Variants in COG2 observed in about 807,000 individuals in gnomAD.
COG2 encodes the protein component of oligomeric golgi complex 2.
A neutral mutation model predicts 90.6 loss-of-function variants in COG2; 52 were observed. The ratio of observed to expected loss-of-function variants is 0.57; its 90% confidence interval spans 0.46 to 0.72. The LOEUF is 0.72. COG2 is among the 30% of genes least tolerant of loss of function. COG2 has a pLI of 0.00. For missense variants in COG2, 829 were observed against 891.2 expected, an observed-to-expected ratio of 0.93 and a Z score of 0.89; for synonymous variants, 337 against 320.4, an observed-to-expected ratio of 1.05 and a Z score of -0.55.
In COG2 at chr1:230,682,526, T is replaced by G. The variant is rs1387568895; in HGVS notation, c.1167-1048T>G. 2.0e-4 allele frequency: 31 copies of G among 152,242 alleles called. 1 individual carries two copies. The highest frequency in any genetic ancestry group is 2.0e-3 in the Admixed American group (31 of 15,286). 9.4% of individuals were successfully genotyped at this position (152,242 alleles called of 1,614,324 possible). ...TCCATGGGGCAGACGGGACAGCTACTGGAAACCAGCCAGCTACAATGGTAC... is the reference window on the plus strand; with the variant it reads ...TCCATGGGGCAGACGGGACAGCTACGGGAAACCAGCCAGCTACAATGGTAC... On this transcript the variant is annotated intron_variant, in intron 10 of 17. Coordinates refer to ENST00000366669, the MANE Select transcript of COG2 (RefSeq NM_007357.3).
chr1:230,655,047 G>C (rs545584299), intron 1 of COG2, among the ~76,000 whole-genome samples: 30 of 152,212 alleles, frequency 2.0e-4, no homozygotes, highest in Non-Finnish European at 3.8e-4. Flanking sequence ...TGCAAACAGA[G>C]ACAATTTGAC....
At position 230,686,454 on chromosome 1, in the gene COG2, G is replaced by C. The variant is rs552991489; in HGVS notation, c.1381-481G>C. Among the ~76,000 whole-genome samples the C allele has an allele frequency of 2.6e-5, 4 of 152,204 alleles. No homozygotes were observed. In the South Asian group the frequency reaches 6.2e-4, roughly 24 times the overall value. On this transcript the variant is annotated intron_variant, in intron 12 of 17. Coordinates refer to ENST00000366669, the MANE Select transcript of COG2 (RefSeq NM_007357.3). ...TCCCATTCTATCCCATTCTTTTCTT[G>C]ATGCTAGCTTACTTCTCTTTGATTT...
chr1:230,687,447 C>A (rs991487464), intron 13 of COG2, among the ~76,000 whole-genome samples: 1 of 151,780 alleles, frequency 6.6e-6, no homozygotes, highest in South Asian at 2.1e-4. Context: ...TGCTCCCCCA[C>A]TTTTTTTTTC....
intron 9 of COG2, among the ~76,000 whole-genome samples, chr1:230,677,480 G>A (rs995097984): frequency 6.6e-6 from 1 of 152,158 alleles, no homozygotes; most frequent in African/African-American, 2.4e-5. Context: ...ATGTTACAGT[G>A]CATTGAATAA....
rs140352979 is a variant in COG2, at chr1:230,677,010, A to G, written c.1026+1886A>G. Among the ~76,000 whole-genome samples the G allele has an allele frequency of 6.2e-4, 95 of 152,074 alleles. 1 individual carries two copies. The highest frequency in any genetic ancestry group is 2.2e-3 in the African/African-American group (90 of 41,490). On this transcript the variant is annotated intron_variant, in intron 9 of 17. Transcript: ENST00000366669. ...TTTTTATTATTATCCTTAGGATTTG[A>G]TAGGTTTTCTGAATCTGAGAATTGG...
intron 10 of COG2, 142 bp from the exon 11 acceptor site, chr1:230,683,432 C>T (rs1045542363): frequency 1.2e-5 from 6 of 493,404 alleles, no homozygotes; most frequent in East Asian, 1.1e-4. Context: ...AAAAAAAAGC[C>T]TGGGAGAATA....
In COG2 at chr1:230,690,161, AATT is replaced by A. The variant is rs1662988741; in HGVS notation, c.1934+10_1934+12del. The stretch of plus-strand genomic sequence containing the variant: ...CAGTGAAAGCACTCATAAGTAAGTA[AATT>A]AAAAGCAGACCTTGTGGGCCTTGCT... On this transcript the variant is annotated intron_variant, in intron 16 of 17. Coordinates refer to ENST00000366669, the MANE Select transcript of COG2 (RefSeq NM_007357.3). The A allele has an allele frequency of 6.2e-7, 1 of 1,610,204 alleles. No homozygotes were observed. The highest frequency in any genetic ancestry group is 8.5e-7 in the Non-Finnish European group (1 of 1,178,504).
At chr1:230,691,790 T>C (rs2102777390) in intron 17 of COG2, 3 of 476,296 alleles carry the variant, frequency 6.3e-6, no homozygotes, top group Non-Finnish European at 1.1e-5. Context: ...TGCTCTCTGG[T>C]GCTGTTGCCA....
At chr1:230,683,365 GA>G (rs1662801354) in intron 10 of COG2, 1 of 479,840 alleles carries the variant, frequency 2.1e-6, no homozygotes, top group Admixed American at 3.8e-5. Context: ...AAATAACAGA[GA>G]ACCCTTATAT....
rs1027928069 is a variant in COG2, at chr1:230,691,421, A to C, written c.1972A>C (p.Lys658Gln). 2 of 1,614,068 alleles carry C rather than the reference A, an allele frequency of 1.2e-6. No individual in the cohort carries two copies. The highest frequency in any genetic ancestry group is 1.7e-5 in the Admixed American group (1 of 60,008). ...CGTGTCAGATGTATTAAACTCTGTG[A>C]AGAAGATGGAAGAGAGCCTGAAAAG... is the stretch of plus-strand genomic sequence containing the variant. ...ETVSDVLNSV[K>Q]KMEESLKRLK... Residue 658 changes from lysine to glutamine, a missense_variant, in exon 17 of 18, where the codon AAG becomes CAG. Coordinates refer to ENST00000366669, the MANE Select transcript of COG2 (RefSeq NM_007357.3).
intron 1 of COG2, among the ~76,000 whole-genome samples, chr1:230,648,258 A>T (rs1027896419): frequency 1.3e-5 from 2 of 152,216 alleles, no homozygotes; most frequent in Admixed American, 6.5e-5. Context: ...TGTAGATGAG[A>T]TACAGGAAAG....
chr1:230,693,542 T>G lies in COG2; in HGVS notation c.*149T>G. 1.9e-6 allele frequency: 1 copy of G among 524,804 alleles called. No individual in the cohort carries two copies. Among genetic ancestry groups the G allele is most frequent in the Non-Finnish European group, 3.4e-6 (1 of 290,898 alleles). The allele number at this position is 524,804 out of a possible 1,614,324, so 32.5% of individuals were successfully genotyped here. On this transcript the variant is annotated 3_prime_UTR_variant, in exon 18 of 18. Transcript: ENST00000366669. ...CACTCCAGCAACACGCCCATGCGTC[T>G]TCTCTCAGCGTATTTGGGTCTTCTT...
intron 1 of COG2, 65 bp downstream of exon 1, chr1:230,642,743 G>A: frequency 6.6e-7 from 1 of 1,512,898 alleles, no homozygotes; most frequent in Non-Finnish European, 9.0e-7. Context: ...GCCCTCTGTG[G>A]CGGTCTCTTC....
At chr1:230,668,032 A>C (rs1021011394) in intron 5 of COG2, among the ~76,000 whole-genome samples, 3 of 152,292 alleles carry the variant, frequency 2.0e-5, no homozygotes, top group African/African-American at 7.2e-5. Flanking sequence ...CTGTTTGGTA[A>C]ATGTAATTTT....
Position 230,645,612 on chromosome 1 carries a change from G to A in COG2, c.72+2934G>A, listed in dbSNP as rs574156151. Among the ~76,000 whole-genome samples, 8 of 152,118 alleles carry A rather than the reference G, an allele frequency of 5.3e-5. No homozygotes were observed. In the South Asian group the frequency reaches 1.5e-3, roughly 28 times the overall value. On this transcript the variant is annotated intron_variant, in intron 1 of 17. Transcript: ENST00000366669. ...ACCAGGAGTGCAGGGGATGGTTTTGGGGTGATTCAAGCGCATTACATTTAT... is the reference window on the plus strand; with the variant it reads ...ACCAGGAGTGCAGGGGATGGTTTTGAGGTGATTCAAGCGCATTACATTTAT...
intron 1 of COG2, among the ~76,000 whole-genome samples, chr1:230,649,067 G>T (rs549117283): frequency 6.6e-6 from 1 of 152,130 alleles, no homozygotes; most frequent in Non-Finnish European, 1.5e-5. Flanking sequence ...CACAGATACG[G>T]TATTGAACAG....
At chr1:230,686,912 T>C in intron 12 of COG2, 23 bp from the exon 13 acceptor site, 1 of 1,457,712 alleles carries the variant, frequency 6.9e-7, no homozygotes, top group East Asian at 2.3e-5. Flanking sequence ...TGAAAGTAGT[T>C]AATCAGTGAA....
rs143938848 is a variant in COG2, at chr1:230,683,896, A to G, written c.1228+261A>G. Among the ~76,000 whole-genome samples the G allele has an allele frequency of 2.6e-5, 4 of 151,932 alleles. 1 individual carries two copies. The South Asian group carries it at 6.2e-4, about 24-fold the overall frequency. ...AGCCCCCGCCTCCCAGGTTCAAGCTATTCTCCTGGCTTAGCCTCGAAAGTA... is the reference window on the plus strand; with the variant it reads ...AGCCCCCGCCTCCCAGGTTCAAGCTGTTCTCCTGGCTTAGCCTCGAAAGTA... On this transcript the variant is annotated intron_variant, in intron 11 of 17. Transcript: ENST00000366669.
intron 13 of COG2, 99 bp downstream of exon 13, chr1:230,687,231 T>A: frequency 1.0e-6 from 1 of 984,828 alleles, no homozygotes; most frequent in Non-Finnish European, 1.5e-6. Context: ...TTACGGGGCT[T>A]AAATTGGGGG....
Sources: allele counts gnomAD v4.1 joint callset (sites outside exome capture counted in the v4.1 genomes callset), GRCh38; gene constraint gnomAD v4.1.1; transcripts MANE v1.5; gene names NCBI Gene and HGNC (gene_info 2026-07-23, HGNC 2026-07-21).